The following NUP133 variants were observed in gnomAD, a reference collection of about 807,000 sequenced individuals.
NUP133 encodes the protein nucleoporin 133, also known as nuclear pore complex protein Nup133.
Under a neutral mutation model 146.2 loss-of-function variants are expected in NUP133, and 66 were observed. That is an observed-to-expected ratio of 0.45 (90% CI 0.37 to 0.55). The LOEUF (loss-of-function observed/expected upper bound fraction) is 0.55, where lower values mean the gene tolerates loss of function less well. Among genes scored for constraint, NUP133 ranks in the 20% least tolerant of loss-of-function variants. The pLI is 0.00. For synonymous variants in NUP133, 521 were observed against 498.8 expected, an observed-to-expected ratio of 1.04 and a Z score of -0.59; for missense variants, 1,277 against 1,374.8, an observed-to-expected ratio of 0.93 and a Z score of 1.12.
intron 18 of NUP133, 129 bp from the exon 19 acceptor site, chr1:229,463,805 T>A: frequency 1.0e-6 from 1 of 996,468 alleles, no homozygotes; most frequent in Non-Finnish European, 1.4e-6. Flanking sequence ...ATGGAAACCT[T>A]CCCACTTACT....
chr1:229,448,810 G>C (rs950926863), intron 24 of NUP133: 1 of 350,330 alleles, frequency 2.9e-6, no homozygotes, highest in Non-Finnish European at 5.2e-6. Flanking sequence ...CAAACCCAAG[G>C]AGGGGGTTGT....
chr1:229,477,573 G>T lies in NUP133; in HGVS notation c.1756+24C>A, dbSNP rs192729310. 5 of 1,575,854 alleles carry T rather than the reference G, an allele frequency of 3.2e-6. No individual in the cohort carries two copies. The African/African-American group carries it at 6.7e-5, about 21-fold the overall frequency. ...AACCAGAATATGTTCAAAACACACC[G>T]TTCCATAATTGAAACATTCTTACCC... is the stretch of plus-strand genomic sequence containing the variant. On this transcript the variant is annotated intron_variant, in intron 13 of 25. Coordinates refer to ENST00000261396, the MANE Select transcript of NUP133 (RefSeq NM_018230.3).
At chr1:229,477,518 A>C in intron 13 of NUP133, 79 bp downstream of exon 13, 1 of 1,110,784 alleles carries the variant, frequency 9.0e-7, no homozygotes, top group Non-Finnish European at 1.2e-6. Context: ...AAGCTAAAAA[A>C]TATGCTTTAA....
At chr1:229,448,032 A>T (rs1026119237) in intron 24 of NUP133, among the ~76,000 whole-genome samples, 1 of 152,210 alleles carries the variant, frequency 6.6e-6, no homozygotes, top group Admixed American at 6.5e-5. Context: ...CTCATTATAC[A>T]CTAATTACAA....
intron 8 of NUP133, among the ~76,000 whole-genome samples, chr1:229,492,718 G>A (rs1658513417): frequency 6.6e-6 from 1 of 151,964 alleles, no homozygotes; most frequent in African/African-American, 2.4e-5. Flanking sequence ...AAGCTATGAG[G>A]ACACAAAGAC....
chr1:229,462,799 G>A (rs1179559085), intron 19 of NUP133, among the ~76,000 whole-genome samples: 6 of 151,950 alleles, frequency 3.9e-5, no homozygotes, highest in East Asian at 1.9e-4. Context: ...TGATCCTACC[G>A]CCTTGGCCTC....
At chr1:229,457,934 T>A (rs1181082772) in intron 21 of NUP133, among the ~76,000 whole-genome samples, 2 of 152,228 alleles carry the variant, frequency 1.3e-5, no homozygotes, top group East Asian at 3.8e-4. Context: ...TCAAAATCAT[T>A]TGAGTCTATT....
chr1:229,454,704 A>G (rs1198891965), intron 21 of NUP133, among the ~76,000 whole-genome samples: 1 of 152,246 alleles, frequency 6.6e-6, no homozygotes, highest in East Asian at 1.9e-4. Flanking sequence ...AATGCAAAGC[A>G]GGGAGAAAGA....
chr1:229,454,532 A>G (rs1469065571), intron 21 of NUP133, among the ~76,000 whole-genome samples: 2 of 152,226 alleles, frequency 1.3e-5, no homozygotes, highest in East Asian at 3.8e-4. Flanking sequence ...AATTTTTTCT[A>G]TAATTTACAC....
intron 8 of NUP133, among the ~76,000 whole-genome samples, chr1:229,490,489 T>G (rs901956618): frequency 6.6e-6 from 1 of 151,732 alleles, no homozygotes; most frequent in South Asian, 2.1e-4. Context: ...ACACTGTATG[T>G]TCCATTTCTA....
At chr1:229,486,261 G>T in intron 11 of NUP133, 110 bp downstream of exon 11, 1 of 931,398 alleles carries the variant, frequency 1.1e-6, no homozygotes, top group Non-Finnish European at 1.5e-6. Flanking sequence ...GTTTGGGGCT[G>T]CAATGAACTA....
rs1660606477 is a variant in NUP133, at chr1:229,458,042, C to T, written c.2980+119G>A. The T allele has an allele frequency of 4.0e-6, 4 of 996,296 alleles. No homozygotes were observed. In the South Asian group the frequency reaches 8.3e-5, roughly 21 times the overall value. The allele number at this position is 996,296 out of a possible 1,614,324, so 61.7% of individuals were successfully genotyped here. A position where few individuals can be genotyped will look rare whatever the true frequency, so the allele number is the denominator to read the frequency against. On this transcript the variant is annotated intron_variant, in intron 21 of 25. Transcript: ENST00000261396. ...CACATGGACATTAACTAAATGCATT[C>T]CTCTTAGAGACAGGTCCTGTTTCTA...
intron 14 of NUP133, among the ~76,000 whole-genome samples, chr1:229,472,899 T>C (rs1462261712): frequency 6.6e-6 from 1 of 151,888 alleles, no homozygotes; most frequent in Non-Finnish European, 1.5e-5. Context: ...AATGAGGATA[T>C]GGCCCTGCAG....
chr1:229,449,128 A>G lies in NUP133; in HGVS notation c.3243T>C (p.Asp1081=). ...GAAGCAATGCCACGAGCACTTACTT[A>G]TCTCTCTGAAGAGCTTTGCAAAGGA... ...LEILCKALQR[D]NWSSSDGKDD... The change falls in exon 24 of 26, where the codon GAT becomes GAC. Residue 1081 remains aspartate (D), a splice_region_variant and synonymous_variant. Coordinates refer to ENST00000261396, the MANE Select transcript of NUP133 (RefSeq NM_018230.3). The G allele has an allele frequency of 6.2e-7, 1 of 1,611,044 alleles. No homozygotes were observed.
chr1:229,450,688 T>C (rs1427637351), intron 22 of NUP133, 83 bp from the exon 23 acceptor site: 3 of 634,522 alleles, frequency 4.7e-6, no homozygotes, highest in East Asian at 3.0e-5. Context: ...GAAGTCATTA[T>C]GTCTTGTAAG....
At chr1:229,450,423 C>A in intron 23 of NUP133, 102 bp downstream of exon 23, 1 of 578,834 alleles carries the variant, frequency 1.7e-6, no homozygotes, top group Non-Finnish European at 3.1e-6. Context: ...CAGATACAGT[C>A]TTTTTTGCTT....
At chr1:229,500,617 A>C in intron 4 of NUP133, 139 bp downstream of exon 4, 3 of 559,200 alleles carry the variant, frequency 5.4e-6, no homozygotes, top group Non-Finnish European at 9.6e-6. Flanking sequence ...CTATGTGTGT[A>C]GCTCTCTTTG....
intron 21 of NUP133, among the ~76,000 whole-genome samples, chr1:229,453,299 T>C (rs1277679927): frequency 2.0e-5 from 3 of 152,192 alleles, no homozygotes; most frequent in Non-Finnish European, 4.4e-5. Context: ...CTAATTTATA[T>C]TGAAATGGGG....
intron 12 of NUP133, among the ~76,000 whole-genome samples, chr1:229,480,054 T>G (rs1661172564): frequency 6.6e-6 from 1 of 151,868 alleles, no homozygotes; most frequent in Non-Finnish European, 1.5e-5. Flanking sequence ...CAGGAGAGAG[T>G]GGCCTTCAAA....
Sources: allele counts gnomAD v4.1 joint callset (sites outside exome capture counted in the v4.1 genomes callset), GRCh38; gene constraint gnomAD v4.1.1; transcripts MANE v1.5; gene names NCBI Gene and HGNC (gene_info 2026-07-23, HGNC 2026-07-21).